The following PRKN variants were observed in gnomAD, a reference collection of about 807,000 sequenced individuals.
PRKN encodes the protein parkin RBR E3 ubiquitin protein ligase.
Under a neutral mutation model 59.5 loss-of-function variants are expected in PRKN, and 56 were observed. The ratio of observed to expected loss-of-function variants is 0.94; its 90% CI spans 0.76 to 1.18. The LOEUF (loss-of-function observed/expected upper bound fraction) is 1.18, where lower values mean the gene tolerates loss of function less well. Among genes scored for constraint, PRKN ranks in the 50% most tolerant of loss-of-function variants. The probability of loss-of-function intolerance (pLI) is 0.00; values close to 1 mark genes in which losing one functional copy is unlikely to be tolerated. For synonymous variants in PRKN, 250 were observed against 222.1 expected (o/e 1.13, Z -1.12); for missense variants, 657 against 596.4 (o/e 1.10, Z -1.06).
chr6:162,123,168 G>C (rs922574530), intron 4 of PRKN, among the ~76,000 whole-genome samples: 16 of 152,068 alleles, frequency 1.1e-4, no homozygotes, highest in African/African-American at 3.9e-4. Flanking sequence ...GGAGAGAAAT[G>C]GATCTCATTT....
At chr6:162,449,779 A>C (rs1394299552) in intron 1 of PRKN, among the ~76,000 whole-genome samples, 1 of 152,150 alleles carries the variant, frequency 6.6e-6, no homozygotes, top group Admixed American at 6.5e-5. Flanking sequence ...GAATTATTAA[A>C]TGCTATCGGA....
chr6:162,341,539 A>C (rs1348063453), intron 2 of PRKN, among the ~76,000 whole-genome samples: 1 of 152,220 alleles, frequency 6.6e-6, no homozygotes, highest in Non-Finnish European at 1.5e-5. Flanking sequence ...TGGATTAAGA[A>C]AATGTGGCAC....
At chr6:161,646,260 A>G (rs113028191) in intron 7 of PRKN, among the ~76,000 whole-genome samples, 7 of 47,798 alleles carry the variant, frequency 1.5e-4, no homozygotes, top group Admixed American at 3.2e-4. Context: ...GAGGTGGCGT[A>G]TCAGTGACAG....
intron 2 of PRKN, among the ~76,000 whole-genome samples, chr6:162,312,937 C>A (rs918838609): frequency 6.6e-6 from 1 of 151,576 alleles, no homozygotes; most frequent in Admixed American, 6.6e-5. Flanking sequence ...ACACTAGATG[C>A]CAGAAGAAAA....
intron 7 of PRKN, 85 bp downstream of exon 7, chr6:161,785,687 G>A (rs1302324336): frequency 7.9e-5 from 101 of 1,282,434 alleles, no homozygotes; most frequent in Non-Finnish European, 9.6e-5. Flanking sequence ...TAGGGTTTAC[G>A]TATATCTAAG....
chr6:161,400,080 C>T lies in PRKN; in HGVS notation c.1084-13203G>A, dbSNP rs1227981087. Reference sequence around the variant, plus strand: ...CTATTCTATGGGCTCAGGAGCCTCACGTGGGCACCATGTTGGACAGGAGCC... The same window carrying T: ...CTATTCTATGGGCTCAGGAGCCTCATGTGGGCACCATGTTGGACAGGAGCC... On this transcript the variant is annotated intron_variant, in intron 9 of 11. Coordinates refer to ENST00000366898, the MANE Select transcript of PRKN (RefSeq NM_004562.3). The surrounding 1 kb of genome is among the most constrained non-coding windows in gnomAD (Gnocchi z 4.2). Among the ~76,000 whole-genome samples, 2 of 152,066 alleles carry T rather than the reference C, an allele frequency of 1.3e-5. No homozygotes were observed. Among genetic ancestry groups the T allele is most frequent in the East Asian group, 1.9e-4 (1 of 5,166 alleles).
intron 9 of PRKN, among the ~76,000 whole-genome samples, chr6:161,443,839 C>T (rs780888604): frequency 6.6e-6 from 1 of 152,148 alleles, no homozygotes; most frequent in East Asian, 1.9e-4. Flanking sequence ...GAGTGGAGCA[C>T]GCTGAGCATT....
chr6:162,225,905 T>TAC (rs1491485449), intron 3 of PRKN, among the ~76,000 whole-genome samples: 4 of 146,692 alleles, frequency 2.7e-5, no homozygotes, highest in African/African-American at 5.0e-5. Flanking sequence ...TATATATATA[T>TAC]ACTTTTGTTA....
At chr6:162,558,360 G>A (rs1488802727) in intron 1 of PRKN, among the ~76,000 whole-genome samples, 12 of 120,050 alleles carry the variant, frequency 1.0e-4, no homozygotes, top group Non-Finnish European at 1.3e-4. Context: ...ACGGAGTTTC[G>A]CTCTTCTTGC....
rs994672049 is a variant in PRKN at position 161,423,738 on chromosome 6, C to T, written c.1084-36861G>A. On this transcript the variant is annotated intron_variant, in intron 9 of 11. Coordinates refer to ENST00000366898, the MANE Select transcript of PRKN (RefSeq NM_004562.3). This position sits in a 1 kb window ranked among gnomAD's most constrained non-coding sequence, Gnocchi z 5.9. ...CTTCCACTGCTCTTGTTCCTGGTCT[C>T]ATAGGCTACACACAACCACTATCAT... Among the ~76,000 whole-genome samples the T allele has an allele frequency of 1.3e-5, 2 of 152,176 alleles. No homozygotes were observed. Among genetic ancestry groups the T allele is most frequent in the Non-Finnish European group, 2.9e-5 (2 of 68,034 alleles).
intron 9 of PRKN, among the ~76,000 whole-genome samples, chr6:161,453,893 C>T (rs1043426628): frequency 6.6e-6 from 1 of 151,682 alleles, no homozygotes; most frequent in African/African-American, 2.4e-5. Flanking sequence ...AGTAATGTAC[C>T]AGTTGGTAGT....
chr6:161,569,733 A>T (rs1224741890), intron 7 of PRKN, among the ~76,000 whole-genome samples: 7 of 152,130 alleles, frequency 4.6e-5, no homozygotes, highest in Non-Finnish European at 8.8e-5. Flanking sequence ...TCAGCATGTC[A>T]CTGGTTCCTC....
At chr6:161,762,766 G>A (rs536176537) in intron 7 of PRKN, among the ~76,000 whole-genome samples, 38 of 152,250 alleles carry the variant, frequency 2.5e-4, no homozygotes, top group Admixed American at 9.2e-4. Flanking sequence ...TATTCTTGAT[G>A]CATAATTGCT....
At chr6:162,416,724 T>C (rs1788644855) in intron 2 of PRKN, among the ~76,000 whole-genome samples, 2 of 152,188 alleles carry the variant, frequency 1.3e-5, no homozygotes, top group African/African-American at 4.8e-5. Context: ...ACTTACCTAC[T>C]TACTGACACG....
intron 9 of PRKN, among the ~76,000 whole-genome samples, chr6:161,534,270 C>T (rs925547304): frequency 1.3e-5 from 2 of 152,210 alleles, no homozygotes; most frequent in Non-Finnish European, 2.9e-5. Context: ...TGAAATATTT[C>T]AGTCACCACT....
intron 6 of PRKN, among the ~76,000 whole-genome samples, chr6:161,792,625 T>A (rs1213542685): frequency 1.3e-5 from 2 of 151,846 alleles, no homozygotes; most frequent in Non-Finnish European, 2.9e-5. Flanking sequence ...AGGGAGAGAG[T>A]CTTGCAATTT....
intron 3 of PRKN, among the ~76,000 whole-genome samples, chr6:162,216,536 C>CAAAAAAAA (rs35025497): frequency 2.9e-5 from 1 of 34,982 alleles, no homozygotes; most frequent in African/African-American, 7.7e-5. Context: ...GACTCCGTCT[C>CAAAAAAAA]AAAAAAAAAA....
At chr6:162,429,100 T>C (rs1036439809) in intron 2 of PRKN, among the ~76,000 whole-genome samples, 1 of 152,178 alleles carries the variant, frequency 6.6e-6, no homozygotes, top group African/African-American at 2.4e-5. Context: ...TTGTATTTGG[T>C]TGCATGTACC....
At position 161,884,550 on chromosome 6, in the gene PRKN, G is replaced by A. The variant is rs536525099; in HGVS notation, c.734+88752C>T. On this transcript the variant is annotated intron_variant, in intron 6 of 11. Transcript: ENST00000366898. ...AAATGATGGATATGCAACTTTTGAT[G>A]TAGGGCTCTATTTTAACTGTGAGAT... 3.3e-5 allele frequency among the ~76,000 whole-genome samples: 5 copies of A among 152,290 alleles called. No individual in the cohort carries two copies. In the South Asian group the frequency reaches 8.3e-4, roughly 25 times the overall value.
Sources: allele counts gnomAD v4.1 joint callset (sites outside exome capture counted in the v4.1 genomes callset), GRCh38; gene constraint gnomAD v4.1.1; non-coding constraint Gnocchi (gnomAD v3.1); transcripts MANE v1.5; gene names NCBI Gene and HGNC (gene_info 2026-07-23, HGNC 2026-07-21).